TENM3: variants seen among roughly 807,000 people sequenced by gnomAD.
TENM3 encodes teneurin transmembrane protein 3, also known as teneurin-3.
A neutral mutation model predicts 255.1 loss-of-function variants in TENM3; 63 were observed. The observed-to-expected ratio is 0.25, with a 90% CI of 0.20 to 0.30. TENM3 has a LOEUF of 0.30. Among genes scored for constraint, TENM3 ranks in the 10% least tolerant of loss-of-function variants. TENM3 has a pLI of 1.00. For synonymous variants in TENM3, 1,306 were observed against 1,322.3 expected (o/e 0.99, Z 0.27); for missense variants, 2,929 against 3,461.1 (o/e 0.85, Z 3.86).
At chr4:181,705,487 G>A in the TENM3 span, among the ~76,000 whole-genome samples, 1 of 152,196 alleles carries the variant, frequency 6.6e-6, no homozygotes, top group Non-Finnish European at 1.5e-5. Context: ...CATTTTCATT[G>A]ATGAGAAATG....
chr4:182,766,754 T>C (rs1455969246), intron 22 of TENM3, among the ~76,000 whole-genome samples: 1 of 151,672 alleles, frequency 6.6e-6, no homozygotes, highest in Non-Finnish European at 1.5e-5. Context: ...AAAAAAAGAA[T>C]AGCAGCTTGA....
At chr4:181,783,296 T>C in the TENM3 span, among the ~76,000 whole-genome samples, 2 of 152,170 alleles carry the variant, frequency 1.3e-5, no homozygotes, top group Non-Finnish European at 2.9e-5. Context: ...TTTATGAATC[T>C]GGGTGCTCCT....
chr4:182,771,810 C>T (rs909582224), intron 22 of TENM3, among the ~76,000 whole-genome samples: 7 of 152,148 alleles, frequency 4.6e-5, no homozygotes, highest in Admixed American at 2.0e-4. Context: ...TTGCTAGGGG[C>T]GTTTGGGTTG....
chr4:182,580,087 C>T (rs2152354327), intron 3 of TENM3, among the ~76,000 whole-genome samples: 1 of 152,230 alleles, frequency 6.6e-6, no homozygotes, highest in East Asian at 1.9e-4. Context: ...GAAATCACAT[C>T]TTAATCAGCT....
At chr4:182,139,204 A>G (rs1041189681), upstream of TENM3, among the ~76,000 whole-genome samples, 1 of 152,202 alleles carries the variant, frequency 6.6e-6, no homozygotes, top group East Asian at 1.9e-4. Context: ...ACATGCAGAA[A>G]ACACAGTGGA....
At chr4:182,047,378 A>G in the TENM3 span, among the ~76,000 whole-genome samples, 1 of 151,992 alleles carries the variant, frequency 6.6e-6, no homozygotes, top group Non-Finnish European at 1.5e-5. Flanking sequence ...CCTGGCCAAC[A>G]TGGTGAAACC....
intron 22 of TENM3, among the ~76,000 whole-genome samples, chr4:182,763,719 A>G (rs62336278): frequency 0.15 from 23,331 of 152,208 alleles, 1,973 homozygotes; most frequent in African/African-American, 0.2. Flanking sequence ...CTGGAGGAGC[A>G]GAATGTGAGT....
At chr4:182,274,567 C>G (rs1202006928) in intron 1 of TENM3, among the ~76,000 whole-genome samples, 1 of 152,174 alleles carries the variant, frequency 6.6e-6, no homozygotes, top group Non-Finnish European at 1.5e-5. Context: ...TCGCCGTGTT[C>G]TACCTCCATC....
intron 3 of TENM3, among the ~76,000 whole-genome samples, chr4:182,481,078 C>G (rs776143879): frequency 1.5e-4 from 23 of 151,318 alleles, no homozygotes; most frequent in African/African-American, 5.6e-4. Context: ...TGAGAAATTG[C>G]ATTTTGCCAA....
chr4:181,856,110 AAAGGAAGAAGGAAGGAAAG>A, the TENM3 span, among the ~76,000 whole-genome samples: 2 of 119,124 alleles, frequency 1.7e-5, no homozygotes, highest in African/African-American at 3.0e-5. Context: ...AGAAGGAAGG[AAAGGAAGAAGGAAGGAAAG>A]AAGGAAGAAG....
the TENM3 span, among the ~76,000 whole-genome samples, chr4:182,057,096 C>T: frequency 6.6e-6 from 1 of 151,588 alleles, no homozygotes; most frequent in Non-Finnish European, 1.5e-5. Flanking sequence ...GACACCAGCA[C>T]CTGAAAACGC....
chr4:182,609,162 T>G (rs1748738055), intron 4 of TENM3, among the ~76,000 whole-genome samples: 1 of 152,204 alleles, frequency 6.6e-6, no homozygotes, highest in Admixed American at 6.5e-5. Context: ...ATTTTTTAGT[T>G]TTTTAAATTT....
chr4:181,482,477 G>A, the TENM3 span, among the ~76,000 whole-genome samples: 1 of 152,006 alleles, frequency 6.6e-6, no homozygotes, highest in Non-Finnish European at 1.5e-5. Context: ...ATGGTTCAGA[G>A]TTACAAATGC....
the TENM3 span, among the ~76,000 whole-genome samples, chr4:181,810,477 TG>T: frequency 6.6e-6 from 1 of 151,932 alleles, no homozygotes; most frequent in South Asian, 2.1e-4. Flanking sequence ...AATTTCTGCT[TG>T]GGGGGTAGTG....
intron 3 of TENM3, among the ~76,000 whole-genome samples, chr4:182,464,746 A>T (rs1207004370): frequency 1.3e-5 from 2 of 152,144 alleles, no homozygotes; most frequent in African/African-American, 2.4e-5. Context: ...AAATATGTTT[A>T]TGTTTTCTGT....
chr4:182,359,495 G>T (rs1436006725), intron 3 of TENM3, among the ~76,000 whole-genome samples: 2 of 150,996 alleles, frequency 1.3e-5, no homozygotes, highest in East Asian at 1.9e-4. Flanking sequence ...AGATTTTCTA[G>T]TTTATTTGCG....
chr4:181,902,466 T>C, the TENM3 span, among the ~76,000 whole-genome samples: 1 of 152,224 alleles, frequency 6.6e-6, no homozygotes, highest in Non-Finnish European at 1.5e-5. Flanking sequence ...TAAAGACACA[T>C]GCACGCGTAT....
intron 1 of TENM3, among the ~76,000 whole-genome samples, chr4:182,246,798 G>A (rs993973354): frequency 2.6e-5 from 4 of 152,224 alleles, no homozygotes; most frequent in South Asian, 4.1e-4. Flanking sequence ...GACGACAGCA[G>A]TGCAGGGATG....
Position 182,620,842 on chromosome 4 carries a change from C to A in TENM3, c.750-7809C>A, listed in dbSNP as rs1750053244. Reference sequence around the variant, plus strand: ...CTTCTGGGCTTAAGCATTCCTCCTGCCTCACCCTCCTGAGTAGCTGGGGCT... The same window carrying A: ...CTTCTGGGCTTAAGCATTCCTCCTGACTCACCCTCCTGAGTAGCTGGGGCT... On this transcript the variant is annotated intron_variant, in intron 4 of 27. Coordinates refer to ENST00000511685, the MANE Select transcript of TENM3 (RefSeq NM_001080477.4). 3.3e-5 allele frequency among the ~76,000 whole-genome samples: 5 copies of A among 152,184 alleles called. No individual in the cohort carries two copies. The South Asian group carries it at 1.0e-3, about 32-fold the overall frequency.
Sources: allele counts gnomAD v4.1 joint callset (sites outside exome capture counted in the v4.1 genomes callset), GRCh38; gene constraint gnomAD v4.1.1; transcripts MANE v1.5; gene names NCBI Gene and HGNC (gene_info 2026-07-23, HGNC 2026-07-21).